Variants in GPR135 observed in about 807,000 individuals in gnomAD.
GPR135 encodes the protein G-protein coupled receptor 135.
Under a neutral mutation model 15.0 loss-of-function variants are expected in GPR135, and 17 were observed. The ratio of observed to expected loss-of-function variants is 1.13; its 90% confidence interval spans 0.78 to 1.70. GPR135 has a LOEUF of 1.70. Among genes scored for constraint, GPR135 ranks in the 40% most tolerant of loss-of-function variants. The pLI is 0.00. For synonymous variants in GPR135, 368 were observed against 349.4 expected, an observed-to-expected ratio of 1.05 and a Z score of -0.59; for missense variants, 776 against 727.0, an observed-to-expected ratio of 1.07 and a Z score of -0.78.
chr14:59,458,507 G>T (rs1255192110), downstream of GPR135, among the ~76,000 whole-genome samples: 3 of 152,102 alleles, frequency 2.0e-5, no homozygotes. Context: ...TCCACACTTT[G>T]TTTCAAATAA....
At position 59,461,319 on chromosome 14, in the gene GPR135, C is replaced by G. The variant is rs1256558835; in HGVS notation, c.*2423G>C. On this transcript the variant is annotated 3_prime_UTR_variant, in exon 1 of 1. Coordinates refer to ENST00000395116, the MANE Select transcript of GPR135 (RefSeq NM_022571.6). Reference sequence around the variant, plus strand: ...ACAAACATGGAGTTCTGAGGCCAAACAGACTGCAGTTCAAATCCTAGTTCT... The same window carrying G: ...ACAAACATGGAGTTCTGAGGCCAAAGAGACTGCAGTTCAAATCCTAGTTCT... 6.6e-6 allele frequency: 1 copy of G among 152,204 alleles called. No individual in the cohort carries two copies. The highest frequency in any genetic ancestry group is 2.4e-5 in the African/African-American group (1 of 41,446). 9.4% of individuals were successfully genotyped at this position (152,204 alleles called of 1,614,324 possible). A position where few individuals can be genotyped will look rare whatever the true frequency, so the allele number is the denominator to read the frequency against.
chr14:59,461,118 G>C lies in GPR135; in HGVS notation c.*2624C>G, dbSNP rs1404019738. ...TCCTTGCTGAGGCTGTAAGCCCTCT[G>C]CAGATGAGTACTGTGGCTTCTACCT... is the stretch of plus-strand genomic sequence containing the variant. On this transcript the variant is annotated 3_prime_UTR_variant, in exon 1 of 1. Coordinates refer to ENST00000395116, the MANE Select transcript of GPR135 (RefSeq NM_022571.6). 2 of 152,240 alleles carry C rather than the reference G, an allele frequency of 1.3e-5. No homozygotes were observed. The highest frequency in any genetic ancestry group is 2.9e-5 in the Non-Finnish European group (2 of 68,028). The allele number at this position is 152,240 out of a possible 1,614,324, so 9.4% of individuals were successfully genotyped here.
At chr14:59,459,742 T>G (rs930962377), downstream of GPR135, among the ~76,000 whole-genome samples, 1 of 152,148 alleles carries the variant, frequency 6.6e-6, no homozygotes, top group African/African-American at 2.4e-5. Flanking sequence ...GGAAAGGAAC[T>G]GAGGGAGAGA....
chr14:59,454,290 A>G lies in GPR135; in HGVS notation c.*874+1394T>C, dbSNP rs753975553. Among the ~76,000 whole-genome samples the G allele has an allele frequency of 1.9e-4, 29 of 152,204 alleles. 1 individual carries two copies. The highest frequency in any genetic ancestry group is 6.5e-4 in the Admixed American group (10 of 15,284). On this transcript the variant is annotated intron_variant and NMD_transcript_variant, in intron 6 of 6. Transcript: ENST00000481661. Reference sequence around the variant, plus strand: ...TCCTGCCCTTGAACACTGGAGTCCAAGTTCTTCAATTTTGGAACTTGGACT... The same window carrying G: ...TCCTGCCCTTGAACACTGGAGTCCAGGTTCTTCAATTTTGGAACTTGGACT...
In GPR135 at chr14:59,464,387, C is replaced by A. The variant is rs749431494; in HGVS notation, c.840G>T (p.Gly280=). The change falls in exon 1 of 1, where the codon GGG becomes GGT. Residue 280 remains glycine, a synonymous_variant. Transcript: ENST00000395116. ...GCAGCAGGTAGCAGGCCACCACCAG[C>A]CCCACGCTGAAGGCCGCGCCCAGCT... ...PAQLGAAFSV[G]LVVACYLLPF... The A allele has an allele frequency of 1.2e-6, 2 of 1,604,004 alleles. No homozygotes were observed. Among genetic ancestry groups the A allele is most frequent in the Admixed American group, 1.7e-5 (1 of 59,142 alleles).
chr14:59,462,209 CTT>C lies in GPR135; in HGVS notation c.*1531_*1532del, dbSNP rs1888884493. 1 of 152,078 alleles carries C rather than the reference CTT, an allele frequency of 6.6e-6. No individual in the cohort carries two copies. The highest frequency in any genetic ancestry group is 6.5e-5 in the Admixed American group (1 of 15,272). 9.4% of individuals were successfully genotyped at this position (152,078 alleles called of 1,614,324 possible). A position where few individuals can be genotyped will look rare whatever the true frequency, so the allele number is the denominator to read the frequency against. ...GAAATCTTCATACGACAGCTAATGT[CTT>C]TTCATATCTACTGTAAATAACTTGT... On this transcript the variant is annotated 3_prime_UTR_variant, in exon 1 of 1. Transcript: ENST00000395116.
chr14:59,464,735 G>T lies in GPR135; in HGVS notation c.492C>A (p.Leu164=). Residue 164 remains leucine, a synonymous_variant, in exon 1 of 1, where the codon CTC becomes CTA. Coordinates refer to ENST00000395116, the MANE Select transcript of GPR135 (RefSeq NM_022571.6). ...LLCLPAAFLD[L]FTPPGGSAPA... is the part of the protein sequence containing the mutation. The stretch of plus-strand genomic sequence containing the variant: ...GCGCCGAACCCCCGGGCGGAGTGAA[G>T]AGGTCCAGGAAGGCGGCGGGCAGGC... The T allele has an allele frequency of 1.3e-6, 2 of 1,567,032 alleles. No homozygotes were observed. Among genetic ancestry groups the T allele is most frequent in the South Asian group, 2.3e-5 (2 of 86,338 alleles).
chr14:59,460,561 C>T (rs1888817361), downstream of GPR135: 1 of 152,180 alleles, frequency 6.6e-6, no homozygotes, highest in African/African-American at 2.4e-5. Context: ...GCTGTGTGAT[C>T]ACATAACACC....
In GPR135 at chr14:59,464,462, C is replaced by A. The variant is rs779079458; in HGVS notation, c.765G>T (p.Ala255=). The part of the protein sequence containing the change: ...ELLGAPRELA[A]AQSFHGCLYR... ...AGAGGCAGCCGTGGAAGCTCTGCGC[C>A]GCCGCGAGTTCCCGGGGCGCCCCGA... The change falls in exon 1 of 1, where the codon GCG becomes GCT. Residue 255 remains alanine, a synonymous_variant. Coordinates refer to ENST00000395116, the MANE Select transcript of GPR135 (RefSeq NM_022571.6). The A allele has an allele frequency of 2.6e-6, 4 of 1,550,966 alleles. No homozygotes were observed. Among genetic ancestry groups the A allele is most frequent in the Admixed American group, 3.8e-5 (2 of 52,076 alleles).
In GPR135 at chr14:59,465,306, G is replaced by A; in HGVS notation, c.-80C>T. On this transcript the variant is annotated 5_prime_UTR_variant, in exon 1 of 1. Transcript: ENST00000395116. ...TAGGTCGGAGTGGTGGCTCGGGGCCGGGGGCTAGCGGCCGCCGCGGGGAGC... is the reference window on the plus strand; with the variant it reads ...TAGGTCGGAGTGGTGGCTCGGGGCCAGGGGCTAGCGGCCGCCGCGGGGAGC... 5 of 1,060,540 alleles carry A rather than the reference G, an allele frequency of 4.7e-6. No individual in the cohort carries two copies. The highest frequency in any genetic ancestry group is 4.8e-6 in the Non-Finnish European group (4 of 836,894). The allele number at this position is 1,060,540 out of a possible 1,614,324, so 65.7% of individuals were successfully genotyped here.
In GPR135 at chr14:59,464,732, G is replaced by A. The variant is rs1442492742; in HGVS notation, c.495C>T (p.Phe165=). The change falls in exon 1 of 1, where the codon TTC becomes TTT. Residue 165 remains phenylalanine (F), a synonymous_variant. Coordinates refer to ENST00000395116, the MANE Select transcript of GPR135 (RefSeq NM_022571.6). The part of the protein sequence containing the change: ...LCLPAAFLDL[F]TPPGGSAPAA... ...CAGGCGCCGAACCCCCGGGCGGAGT[G>A]AAGAGGTCCAGGAAGGCGGCGGGCA... 2 of 1,566,908 alleles carry A rather than the reference G, an allele frequency of 1.3e-6. No individual in the cohort carries two copies. The highest frequency in any genetic ancestry group is 2.3e-5 in the East Asian group (1 of 42,562).
chr14:59,463,031 TGGAA>T lies in GPR135; in HGVS notation c.*707_*710del, dbSNP rs1176656409. The T allele has an allele frequency of 6.6e-6, 1 of 152,170 alleles. No homozygotes were observed. The highest frequency in any genetic ancestry group is 1.5e-5 in the Non-Finnish European group (1 of 68,026). 9.4% of individuals were successfully genotyped at this position (152,170 alleles called of 1,614,324 possible). ...GATCATTTTGGAGGTATGACGCGGG[TGGAA>T]GGAATGTTAATTTTTACATATAATC... On this transcript the variant is annotated 3_prime_UTR_variant, in exon 1 of 1. Coordinates refer to ENST00000395116, the MANE Select transcript of GPR135 (RefSeq NM_022571.6).
Position 59,463,858 on chromosome 14 carries a change from C to A in GPR135, c.1369G>T (p.Val457Leu). The A allele has an allele frequency of 6.2e-7, 1 of 1,613,500 alleles. No individual in the cohort carries two copies. Residue 457 changes from valine (V) to leucine (L), a missense_variant, in exon 1 of 1, where the codon GTG (valine) becomes TTG (leucine). Transcript: ENST00000395116. ...SNPASGVAGD[V>L]AMWARKNPVV... ...GGATTTTTGCGGGCCCACATGGCCA[C>A]GTCCCCTGCCACTCCGCTGGCCGGG... is the stretch of plus-strand genomic sequence containing the variant.
At chr14:59,459,712 C>A (rs1888788294), downstream of GPR135, among the ~76,000 whole-genome samples, 1 of 152,150 alleles carries the variant, frequency 6.6e-6, no homozygotes, top group Admixed American at 6.5e-5. Flanking sequence ...ACAGGCAATT[C>A]TTTTGATGAG....
chr14:59,455,155 T>C (rs1013633943), intron 6 of GPR135, among the ~76,000 whole-genome samples: 6 of 151,950 alleles, frequency 3.9e-5, no homozygotes, highest in African/African-American at 2.4e-5. Flanking sequence ...AGAAGTGTCC[T>C]TGTATCCTGT....
At position 59,464,428 on chromosome 14, in the gene GPR135, A is replaced by T. The variant is rs750078140; in HGVS notation, c.799T>A (p.Ser267Thr). The change falls in exon 1 of 1, where the codon TCC (serine) becomes ACC (threonine). Residue 267 changes from serine to threonine, a missense_variant. Transcript: ENST00000395116. Reference sequence around the variant, plus strand: ...GCGCCCAGCTGCGCGGGGTCCGGGGAGGTCCGGTAGAGGCAGCCGTGGAAG... The same window carrying T: ...GCGCCCAGCTGCGCGGGGTCCGGGGTGGTCCGGTAGAGGCAGCCGTGGAAG... ...QSFHGCLYRTSPDPAQLGAAF... is the reference protein window; with the variant it reads ...QSFHGCLYRTTPDPAQLGAAF... 8.2e-6 allele frequency: 13 copies of T among 1,577,484 alleles called. No individual in the cohort carries two copies. The African/African-American group carries it at 1.7e-4, about 21-fold the overall frequency.
intron 6 of GPR135, among the ~76,000 whole-genome samples, chr14:59,454,339 C>A (rs967727644): frequency 1.3e-5 from 2 of 152,206 alleles, no homozygotes; most frequent in Non-Finnish European, 2.9e-5. Context: ...CCTCAGCCTG[C>A]AGACAGCCTA....
At chr14:59,454,903 C>T (rs1324424978) in intron 6 of GPR135, among the ~76,000 whole-genome samples, 2 of 152,024 alleles carry the variant, frequency 1.3e-5, no homozygotes, top group Non-Finnish European at 2.9e-5. Flanking sequence ...AGATTGACAC[C>T]ATCCTGGCCA....
At chr14:59,453,501 T>A (rs1888556701) in intron 6 of GPR135, among the ~76,000 whole-genome samples, 1 of 152,246 alleles carries the variant, frequency 6.6e-6, no homozygotes, top group South Asian at 2.1e-4. Flanking sequence ...TTGGCAGAGC[T>A]ACTTGGATTA....
Sources: allele counts gnomAD v4.1 joint callset (sites outside exome capture counted in the v4.1 genomes callset), GRCh38; gene constraint gnomAD v4.1.1; transcripts MANE v1.5; gene names NCBI Gene and HGNC (gene_info 2026-07-23, HGNC 2026-07-21).